Variants in RPS6KC1 observed in about 807,000 individuals in gnomAD.
RPS6KC1 encodes the protein inactive ribosomal protein S6 kinase delta-1.
RPS6KC1 carries 54 observed loss-of-function variants against 103.8 expected under a neutral mutation model. The observed-to-expected ratio is 0.52, with a 90% CI of 0.42 to 0.65. RPS6KC1 has a LOEUF of 0.65. Ranked by LOEUF, RPS6KC1 falls within the 30% of genes least tolerant of loss-of-function variation. RPS6KC1 has a pLI of 0.00. For missense variants in RPS6KC1, 1,151 were observed against 1,253.8 expected (o/e 0.92, Z 1.24); for synonymous variants, 439 against 438.7 (o/e 1.00, Z -0.01).
the RPS6KC1 span, among the ~76,000 whole-genome samples, chr1:213,856,365 T>TAC: frequency 1.5e-3 from 222 of 151,924 alleles, 2 homozygotes; most frequent in South Asian, 0.018. Flanking sequence ...CACATGCACA[T>TAC]ACACACACAC....
At chr1:213,829,811 T>C in the RPS6KC1 span, among the ~76,000 whole-genome samples, 1 of 152,226 alleles carries the variant, frequency 6.6e-6, no homozygotes, top group Non-Finnish European at 1.5e-5. Flanking sequence ...GTAATATGTG[T>C]TAATTGCTCA....
the RPS6KC1 span, among the ~76,000 whole-genome samples, chr1:213,777,650 A>T: frequency 6.6e-6 from 1 of 152,230 alleles, no homozygotes; most frequent in Non-Finnish European, 1.5e-5. Flanking sequence ...AAAAATCCCC[A>T]AAATCCGCAA....
chr1:213,266,183 A>G (rs978033864), intron 14 of RPS6KC1, among the ~76,000 whole-genome samples: 3 of 152,256 alleles, frequency 2.0e-5, no homozygotes, highest in Admixed American at 6.5e-5. Flanking sequence ...CTAATGAAGA[A>G]TGAGGCTATT....
the RPS6KC1 span, among the ~76,000 whole-genome samples, chr1:213,360,118 G>C: frequency 6.6e-6 from 1 of 152,116 alleles, no homozygotes; most frequent in Non-Finnish European, 1.5e-5. Flanking sequence ...TGCTAGGTTG[G>C]GGAAGTTCTC....
At chr1:213,779,353 C>T in the RPS6KC1 span, among the ~76,000 whole-genome samples, 22 of 152,280 alleles carry the variant, frequency 1.4e-4, no homozygotes, top group Middle Eastern at 3.4e-3. Flanking sequence ...CTCATATCTC[C>T]GGACAAGTCT....
the RPS6KC1 span, among the ~76,000 whole-genome samples, chr1:213,600,542 A>T: frequency 6.6e-6 from 1 of 152,170 alleles, no homozygotes; most frequent in Non-Finnish European, 1.5e-5. Flanking sequence ...TGAAACCCTC[A>T]GGCCTTCCCT....
At chr1:213,465,680 T>G in the RPS6KC1 span, among the ~76,000 whole-genome samples, 4 of 152,224 alleles carry the variant, frequency 2.6e-5, no homozygotes, top group African/African-American at 4.8e-5. Flanking sequence ...AATTAACTTT[T>G]TCTAGTTCAA....
At chr1:213,205,078 T>C (rs2093297281) in intron 8 of RPS6KC1, among the ~76,000 whole-genome samples, 1 of 152,184 alleles carries the variant, frequency 6.6e-6, no homozygotes, top group Non-Finnish European at 1.5e-5. Context: ...TGGTATGTTA[T>C]AGTATCAGAT....
the RPS6KC1 span, among the ~76,000 whole-genome samples, chr1:213,507,822 T>G: frequency 6.6e-6 from 1 of 152,360 alleles, no homozygotes; most frequent in African/African-American, 2.4e-5. Flanking sequence ...TTTCAGAAAC[T>G]GCACAGAAGT....
the RPS6KC1 span, among the ~76,000 whole-genome samples, chr1:213,760,162 A>T: frequency 2.6e-5 from 4 of 152,230 alleles, no homozygotes; most frequent in East Asian, 5.8e-4. Flanking sequence ...AATACACTCA[A>T]GTCAGGATAA....
intron 4 of RPS6KC1, among the ~76,000 whole-genome samples, chr1:213,115,637 T>C (rs2083508411): frequency 6.6e-6 from 1 of 151,998 alleles, no homozygotes; most frequent in East Asian, 1.9e-4. Flanking sequence ...TTCTTTTAAT[T>C]GTGATGTTAG....
At chr1:213,325,332 G>A in the RPS6KC1 span, among the ~76,000 whole-genome samples, 1 of 152,298 alleles carries the variant, frequency 6.6e-6, no homozygotes, top group East Asian at 1.9e-4. Flanking sequence ...AACTACAGCT[G>A]TTTAGCATAT....
At chr1:213,453,524 G>A in the RPS6KC1 span, among the ~76,000 whole-genome samples, 3 of 152,270 alleles carry the variant, frequency 2.0e-5, no homozygotes, top group East Asian at 5.8e-4. Flanking sequence ...GGTATTCTAG[G>A]CAGGGAGAGT....
the RPS6KC1 span, among the ~76,000 whole-genome samples, chr1:213,804,484 G>A: frequency 6.6e-6 from 1 of 152,168 alleles, no homozygotes; most frequent in Non-Finnish European, 1.5e-5. Context: ...ACATTTCTGT[G>A]TGGTTGATTT....
chr1:213,074,130 G>A (rs987127531), intron 2 of RPS6KC1, among the ~76,000 whole-genome samples: 3 of 151,904 alleles, frequency 2.0e-5, no homozygotes, highest in Non-Finnish European at 4.4e-5. Flanking sequence ...AGCGTGAAAA[G>A]GACAAAGTTA....
At chr1:213,390,530 C>G in the RPS6KC1 span, among the ~76,000 whole-genome samples, 2 of 152,182 alleles carry the variant, frequency 1.3e-5, no homozygotes, top group Non-Finnish European at 2.9e-5. Flanking sequence ...AATCATCGGA[C>G]TAAGAGTTTG....
intron 2 of RPS6KC1, among the ~76,000 whole-genome samples, chr1:213,074,784 G>T (rs1217026108): frequency 1.5e-5 from 2 of 135,526 alleles, no homozygotes; most frequent in Non-Finnish European, 3.2e-5. Context: ...TGATTAAATT[G>T]TTAAATTTTG....
At chr1:213,358,978 A>C in the RPS6KC1 span, among the ~76,000 whole-genome samples, 1 of 152,174 alleles carries the variant, frequency 6.6e-6, no homozygotes, top group African/African-American at 2.4e-5. Flanking sequence ...ACTTCCAACT[A>C]TGTGGTCAAT....
At chr1:213,525,795 G>A in the RPS6KC1 span, among the ~76,000 whole-genome samples, 105 of 152,314 alleles carry the variant, frequency 6.9e-4, no homozygotes, top group Non-Finnish European at 1.1e-3. Flanking sequence ...GACTGATGTC[G>A]CCCTTGGACA....
Sources: allele counts gnomAD v4.1 joint callset (sites outside exome capture counted in the v4.1 genomes callset), GRCh38; gene constraint gnomAD v4.1.1; transcripts MANE v1.5; gene names NCBI Gene and HGNC (gene_info 2026-07-23, HGNC 2026-07-21).